Variants in NCOA1 observed in about 807,000 individuals in gnomAD.
NCOA1 encodes Hin-2 protein.
Under a neutral mutation model 150.9 loss-of-function variants are expected in NCOA1, and 35 were observed. The observed-to-expected ratio is 0.23, with a 90% confidence interval of 0.18 to 0.31. The LOEUF is 0.31. Among genes scored for constraint, NCOA1 ranks in the 10% least tolerant of loss-of-function variants. The pLI is 1.00. For missense variants in NCOA1, 1,491 were observed against 1,749.3 expected, an observed-to-expected ratio of 0.85 and a Z score of 2.63; for synonymous variants, 590 against 630.0, an observed-to-expected ratio of 0.94 and a Z score of 0.95.
At chr2:24,610,480 A>G (rs916145906) in intron 3 of NCOA1, among the ~76,000 whole-genome samples, 11 of 151,706 alleles carry the variant, frequency 7.3e-5, no homozygotes, top group African/African-American at 2.4e-4. Context: ...TTTCTGTGTA[A>G]CAGTTCACTG....
intron 3 of NCOA1, among the ~76,000 whole-genome samples, chr2:24,625,320 T>G (rs577688010): frequency 6.0e-5 from 9 of 148,858 alleles, no homozygotes; most frequent in Middle Eastern, 3.2e-3. Flanking sequence ...GAGCCGAGAT[T>G]GCACACTGTA....
At chr2:24,715,415 A>G (rs193183480) in intron 14 of NCOA1, among the ~76,000 whole-genome samples, 3 of 152,214 alleles carry the variant, frequency 2.0e-5, no homozygotes, top group Admixed American at 2.0e-4. Context: ...ACAAAATAGT[A>G]TAATATTTGA....
At chr2:24,520,898 G>A (rs1168682077) in intron 1 of NCOA1, among the ~76,000 whole-genome samples, 1 of 68,560 alleles carries the variant, frequency 1.5e-5, no homozygotes, top group Admixed American at 1.7e-4. Context: ...CTCTCCTATT[G>A]TTCTTTTTCC....
At chr2:24,620,685 A>T (rs1356078137) in intron 3 of NCOA1, among the ~76,000 whole-genome samples, 1 of 151,836 alleles carries the variant, frequency 6.6e-6, no homozygotes, top group East Asian at 1.9e-4. Flanking sequence ...TTTAATTCTT[A>T]TTTTTGTTGT....
chr2:24,545,278 CA>C (rs1490477119), intron 1 of NCOA1, among the ~76,000 whole-genome samples: 1 of 152,040 alleles, frequency 6.6e-6, no homozygotes, highest in Admixed American at 6.6e-5. Context: ...AGAAAATATG[CA>C]AAATGCAAAA....
intron 9 of NCOA1, among the ~76,000 whole-genome samples, chr2:24,691,887 G>C (rs1672682479): frequency 6.6e-6 from 1 of 152,078 alleles, no homozygotes; most frequent in South Asian, 2.1e-4. Context: ...TTTTAAGCTG[G>C]CATTCCCACT....
intron 3 of NCOA1, among the ~76,000 whole-genome samples, chr2:24,610,952 T>A (rs186148752): frequency 1.4e-3 from 210 of 152,242 alleles, no homozygotes; most frequent in Non-Finnish European, 2.3e-3. Flanking sequence ...TTTTAAAAAA[T>A]TTTTTAACTT....
intron 3 of NCOA1, among the ~76,000 whole-genome samples, chr2:24,621,994 A>G (rs527650674): frequency 6.6e-6 from 1 of 152,284 alleles, no homozygotes; most frequent in East Asian, 1.9e-4. Flanking sequence ...ATGTTTTGAC[A>G]TGTTAACTGT....
chr2:24,586,013 G>A lies in NCOA1; in HGVS notation c.-175+1453G>A, dbSNP rs1029440310. 2.0e-5 allele frequency among the ~76,000 whole-genome samples: 3 copies of A among 152,082 alleles called. 1 individual carries two copies. Among genetic ancestry groups the A allele is most frequent in the Admixed American group, 2.0e-4 (3 of 15,264 alleles). ...TTTGGGGCCAGGGGCGGTGGCTCAC[G>A]CCTGTAATCCCATCACTTTGGGAGG... On this transcript the variant is annotated intron_variant, in intron 3 of 22. Coordinates refer to ENST00000348332, the MANE Select transcript of NCOA1 (RefSeq NM_003743.5).
At chr2:24,496,374 C>T (rs534119344) in intron 1 of NCOA1, among the ~76,000 whole-genome samples, 7 of 152,282 alleles carry the variant, frequency 4.6e-5, no homozygotes, top group African/African-American at 9.6e-5. Flanking sequence ...TAAAGTGCTA[C>T]GCAATGAAGA....
chr2:24,594,885 A>G (rs536022651), intron 3 of NCOA1, among the ~76,000 whole-genome samples: 35 of 152,210 alleles, frequency 2.3e-4, no homozygotes, highest in African/African-American at 8.2e-4. Flanking sequence ...TCTTTCAGAA[A>G]TTTAAGCTAT....
intron 6 of NCOA1, among the ~76,000 whole-genome samples, chr2:24,668,307 G>A (rs1002217644): frequency 3.3e-5 from 5 of 151,910 alleles, no homozygotes; most frequent in Non-Finnish European, 5.9e-5. Context: ...ATTAGTTTCC[G>A]GATTGAAAGC....
chr2:24,669,125 G>A (rs1671573015), intron 6 of NCOA1, among the ~76,000 whole-genome samples: 1 of 152,126 alleles, frequency 6.6e-6, no homozygotes, highest in African/African-American at 2.4e-5. Flanking sequence ...AGTAGGTTAT[G>A]TCTAACATGG....
intron 1 of NCOA1, among the ~76,000 whole-genome samples, chr2:24,558,316 A>G (rs1666161062): frequency 6.6e-6 from 1 of 152,178 alleles, no homozygotes; most frequent in South Asian, 2.1e-4. Context: ...GTATTAGTCC[A>G]TTTTCACGCT....
chr2:24,601,150 T>G (rs1291908840), intron 3 of NCOA1, among the ~76,000 whole-genome samples: 1 of 152,104 alleles, frequency 6.6e-6, no homozygotes. Context: ...AGTTAATGAG[T>G]CAGTGAAACT....
chr2:24,532,981 C>T (rs548719944), intron 1 of NCOA1, among the ~76,000 whole-genome samples: 1 of 152,254 alleles, frequency 6.6e-6, no homozygotes, highest in Non-Finnish European at 1.5e-5. Context: ...TTTTCCAATT[C>T]TGTGAAGAAA....
At chr2:24,592,052 T>C (rs1165338921) in intron 3 of NCOA1, among the ~76,000 whole-genome samples, 1 of 152,188 alleles carries the variant, frequency 6.6e-6, no homozygotes, top group Non-Finnish European at 1.5e-5. Flanking sequence ...ATATATCCAG[T>C]GTCTCATACA....
intron 10 of NCOA1, among the ~76,000 whole-genome samples, chr2:24,694,778 G>A (rs1217029594): frequency 1.1e-4 from 16 of 151,678 alleles, no homozygotes; most frequent in Non-Finnish European, 2.4e-4. Flanking sequence ...AACGTACTAT[G>A]GATATGTAGG....
intron 14 of NCOA1, among the ~76,000 whole-genome samples, chr2:24,714,849 C>T (rs748253167): frequency 1.3e-5 from 2 of 151,812 alleles, no homozygotes; most frequent in Admixed American, 6.6e-5. Flanking sequence ...TTTAATGAAT[C>T]CCAAGCAAAA....
Sources: allele counts gnomAD v4.1 joint callset (sites outside exome capture counted in the v4.1 genomes callset), GRCh38; gene constraint gnomAD v4.1.1; transcripts MANE v1.5; gene names NCBI Gene and HGNC (gene_info 2026-07-23, HGNC 2026-07-21).